The following SIPA1L2 variants were observed in gnomAD, a reference collection of about 807,000 sequenced individuals.
SIPA1L2 encodes the protein signal induced proliferation associated 1 like 2, also known as signal-induced proliferation-associated 1-like protein 2.
A neutral mutation model predicts 163.9 loss-of-function variants in SIPA1L2; 56 were observed. That is an observed-to-expected ratio of 0.34 (90% CI 0.28 to 0.43). The LOEUF (loss-of-function observed/expected upper bound fraction) is 0.43. SIPA1L2 is among the 20% of genes least tolerant of loss of function. The probability of loss-of-function intolerance (pLI) is 1.00; values close to 1 mark genes in which losing one functional copy is unlikely to be tolerated. For synonymous variants in SIPA1L2, 877 were observed against 865.7 expected, an observed-to-expected ratio of 1.01 and a Z score of -0.23; for missense variants, 1,974 against 2,193.5, an observed-to-expected ratio of 0.90 and a Z score of 2.00.
At chr1:232,528,896 T>C (rs1667844075) in intron 2 of SIPA1L2, among the ~76,000 whole-genome samples, 1 of 152,208 alleles carries the variant, frequency 6.6e-6, no homozygotes, top group Admixed American at 6.5e-5. Context: ...TCTTCCCTTG[T>C]ACAGAGAGCA....
chr1:232,617,792 A>G (rs1010760228), intron 1 of SIPA1L2, among the ~76,000 whole-genome samples: 11 of 152,216 alleles, frequency 7.2e-5, no homozygotes, highest in African/African-American at 2.7e-4. Context: ...GCATTTATCA[A>G]AACTCCCAGA....
intron 18 of SIPA1L2, 127 bp from the exon 19 acceptor site, chr1:232,415,752 C>G (rs1317923314): frequency 7.6e-7 from 1 of 1,310,262 alleles, no homozygotes; most frequent in African/African-American, 1.5e-5. Context: ...CACCACTGCC[C>G]CCTCCCAGAG....
intron 19 of SIPA1L2, among the ~76,000 whole-genome samples, chr1:232,413,899 C>A (rs1489137904): frequency 6.6e-6 from 1 of 152,068 alleles, no homozygotes; most frequent in Non-Finnish European, 1.5e-5. Context: ...AAAGAACACC[C>A]CAGGGAAAGA....
chr1:232,576,337 T>C (rs1483331188), intron 1 of SIPA1L2, among the ~76,000 whole-genome samples: 1 of 152,232 alleles, frequency 6.6e-6, no homozygotes, highest in Non-Finnish European at 1.5e-5. Flanking sequence ...TCGTCATTAC[T>C]TTTATGTTTG....
At chr1:232,589,252 A>T (rs1310029513) in intron 1 of SIPA1L2, among the ~76,000 whole-genome samples, 1 of 152,244 alleles carries the variant, frequency 6.6e-6, no homozygotes, top group African/African-American at 2.4e-5. Flanking sequence ...TCAGACAATG[A>T]TTAAACTATT....
chr1:232,415,716 C>T, intron 18 of SIPA1L2, 91 bp from the exon 19 acceptor site: 1 of 1,561,756 alleles, frequency 6.4e-7, no homozygotes, highest in Admixed American at 1.7e-5. Flanking sequence ...ACTGCCCCTC[C>T]CAGAGTCAGT....
At chr1:232,612,084 A>C (rs1662268426) in intron 1 of SIPA1L2, among the ~76,000 whole-genome samples, 1 of 152,212 alleles carries the variant, frequency 6.6e-6, no homozygotes, top group African/African-American at 2.4e-5. Flanking sequence ...GACAAGCCTC[A>C]AGCCTTGGCA....
chr1:232,443,302 T>C (rs747613451), intron 12 of SIPA1L2, among the ~76,000 whole-genome samples: 2 of 152,146 alleles, frequency 1.3e-5, no homozygotes, highest in Non-Finnish European at 2.9e-5. Context: ...TTGAGCGGCG[T>C]TTCCTCATCA....
chr1:232,432,467 A>C lies in SIPA1L2; in HGVS notation c.4036T>G (p.Ser1346Ala). The part of the protein sequence containing the change: ...LSEISSHSSG[S>A]HHSGSPSAHC... ...GCTGAAGGGCTTCCTGAATGGTGAG[A>C]ACCACTGAGGAGAAAAACAGACAAA... Residue 1346 changes from serine to alanine, a missense_variant, in exon 16 of 23, where the codon TCT (serine) becomes GCT (alanine). This residue lies in a region of SIPA1L2 where 1,079 missense variants were observed against 1,150.7 expected (regional missense o/e 0.94). Coordinates refer to ENST00000674635, the MANE Select transcript of SIPA1L2 (RefSeq NM_020808.5). 6.2e-7 allele frequency: 1 copy of C among 1,613,890 alleles called. No individual in the cohort carries two copies. The highest frequency in any genetic ancestry group is 8.5e-7 in the Non-Finnish European group (1 of 1,179,722).
At chr1:232,464,716 C>A in intron 9 of SIPA1L2, 124 bp downstream of exon 9, 1 of 791,336 alleles carries the variant, frequency 1.3e-6, no homozygotes, top group Non-Finnish European at 1.9e-6. Context: ...AGCTCTGTAT[C>A]TGTAACAAAT....
At chr1:232,539,929 C>A (rs1657540692) in intron 2 of SIPA1L2, among the ~76,000 whole-genome samples, 1 of 152,180 alleles carries the variant, frequency 6.6e-6, no homozygotes, top group Admixed American at 6.5e-5. Flanking sequence ...CTTGTTCCTG[C>A]AGTATGGAGA....
chr1:232,550,142 T>A (rs958865138), intron 2 of SIPA1L2, among the ~76,000 whole-genome samples: 1 of 152,238 alleles, frequency 6.6e-6, no homozygotes. Flanking sequence ...TTATTAACAA[T>A]GCTACTTCAT....
rs538951811 is a variant in SIPA1L2, at chr1:232,514,938, G to A, written c.402C>T (p.Phe134=). 1.2e-5 allele frequency: 20 copies of A among 1,614,104 alleles called. No homozygotes were observed. The highest frequency in any genetic ancestry group is 1.4e-5 in the Non-Finnish European group (17 of 1,180,010). The change falls in exon 3 of 23, where the codon TTC becomes TTT. Residue 134 remains phenylalanine, a synonymous_variant. Coordinates refer to ENST00000674635, the MANE Select transcript of SIPA1L2 (RefSeq NM_020808.5). ...CTCCGATTGTGTACTTGGCCTCCAC[G>A]AAGTCCAGATCGAGCTGTTCATCTT... ...GQQDEQLDLD[F]VEAKYTIGDI...
intron 1 of SIPA1L2, among the ~76,000 whole-genome samples, chr1:232,601,603 C>T (rs902903839): frequency 2.0e-5 from 3 of 152,090 alleles, no homozygotes; most frequent in Non-Finnish European, 4.4e-5. Context: ...TGAAATTTGG[C>T]CCATTTGGGG....
chr1:232,605,438 T>C (rs947952365), intron 1 of SIPA1L2, among the ~76,000 whole-genome samples: 4 of 152,220 alleles, frequency 2.6e-5, no homozygotes, highest in African/African-American at 9.6e-5. Context: ...CTCACGCCTG[T>C]AATTCCAGAA....
chr1:232,431,322 T>C (rs1662226810), intron 16 of SIPA1L2, among the ~76,000 whole-genome samples: 1 of 152,214 alleles, frequency 6.6e-6, no homozygotes, highest in South Asian at 2.1e-4. Context: ...CTGACATGAT[T>C]TTTTTAACAA....
chr1:232,474,900 T>C (rs1352879768), intron 7 of SIPA1L2, among the ~76,000 whole-genome samples: 2 of 152,166 alleles, frequency 1.3e-5, no homozygotes, highest in African/African-American at 4.8e-5. Context: ...TGTATATGGG[T>C]TCATTTGTTA....
chr1:232,515,379 T>C lies in SIPA1L2; in HGVS notation c.-40A>G, dbSNP rs748458188. On this transcript the variant is annotated 5_prime_UTR_variant, in exon 3 of 23. Transcript: ENST00000674635. ...AGCCTCCAAGTCTCACCAGGAAGAC[T>C]GATGTAAATCTAATTACATTGCTAC... 1 of 1,528,402 alleles carries C rather than the reference T, an allele frequency of 6.5e-7. No individual in the cohort carries two copies. Among genetic ancestry groups the C allele is most frequent in the Non-Finnish European group, 8.8e-7 (1 of 1,140,756 alleles). The allele number at this position is 1,528,402 out of a possible 1,614,324, so 94.7% of individuals were successfully genotyped here.
intron 5 of SIPA1L2, among the ~76,000 whole-genome samples, chr1:232,486,673 T>C (rs111444513): frequency 2.0e-4 from 31 of 152,254 alleles, no homozygotes; most frequent in African/African-American, 7.0e-4. Context: ...GAGTAAAGAA[T>C]TGTGGCTTGT....
Sources: allele counts gnomAD v4.1 joint callset (sites outside exome capture counted in the v4.1 genomes callset), GRCh38; gene constraint gnomAD v4.1.1; regional missense constraint gnomAD v4.1.1; transcripts MANE v1.5; gene names NCBI Gene and HGNC (gene_info 2026-07-23, HGNC 2026-07-21).